Variants in CNTN4 observed in about 807,000 individuals in gnomAD.
CNTN4 encodes contactin-4.
In CNTN4, 77 loss-of-function variants were observed where a neutral mutation model predicts 122.5. The observed-to-expected ratio is 0.63, with a 90% CI of 0.52 to 0.76. The LOEUF (loss-of-function observed/expected upper bound fraction) is 0.76. CNTN4 is among the 30% of genes least tolerant of loss of function. CNTN4 has a pLI of 0.00. For synonymous variants in CNTN4, 512 were observed against 447.0 expected (o/e 1.15, Z -1.83); for missense variants, 1,256 against 1,259.1 (o/e 1.00, Z 0.04).
At chr3:3,002,908 C>G (rs1238789744) in intron 14 of CNTN4, among the ~76,000 whole-genome samples, 2 of 152,080 alleles carry the variant, frequency 1.3e-5, no homozygotes, top group African/African-American at 4.8e-5. Flanking sequence ...GAAAAATTAC[C>G]ATTTAAATCG....
At chr3:2,980,727 G>T (rs1693880820) in intron 13 of CNTN4, among the ~76,000 whole-genome samples, 1 of 152,206 alleles carries the variant, frequency 6.6e-6, no homozygotes, top group Non-Finnish European at 1.5e-5. Flanking sequence ...TCCCTCTCCT[G>T]CAAGAGAGAG....
At chr3:2,109,923 G>C (rs1440912452) in intron 2 of CNTN4, among the ~76,000 whole-genome samples, 1 of 152,180 alleles carries the variant, frequency 6.6e-6, no homozygotes. Flanking sequence ...TACTTAAGTT[G>C]CATATCTAAT....
chr3:2,329,771 A>G (rs927519344), intron 2 of CNTN4, among the ~76,000 whole-genome samples: 1 of 152,206 alleles, frequency 6.6e-6, no homozygotes, highest in African/African-American at 2.4e-5. Context: ...GCTTTGTACC[A>G]GGAAAAATTA....
At chr3:2,200,375 A>C (rs936829615) in intron 2 of CNTN4, among the ~76,000 whole-genome samples, 50 of 152,328 alleles carry the variant, frequency 3.3e-4, no homozygotes, top group African/African-American at 1.1e-3. Context: ...CAGATAAATC[A>C]CTGGTTCCCA....
chr3:2,664,722 GT>G (rs958037636), intron 4 of CNTN4, among the ~76,000 whole-genome samples: 3 of 152,100 alleles, frequency 2.0e-5, no homozygotes, highest in African/African-American at 7.2e-5. Flanking sequence ...AAATATCACC[GT>G]TATACATTAT....
At chr3:2,462,290 T>A (rs1376662815) in intron 3 of CNTN4, among the ~76,000 whole-genome samples, 1 of 152,174 alleles carries the variant, frequency 6.6e-6, no homozygotes, top group Non-Finnish European at 1.5e-5. Flanking sequence ...TGTTACTGTT[T>A]AGTATGTACC....
chr3:2,116,210 C>T (rs1354419397), intron 2 of CNTN4, among the ~76,000 whole-genome samples: 2 of 152,172 alleles, frequency 1.3e-5, no homozygotes, highest in Non-Finnish European at 2.9e-5. Flanking sequence ...ACCCAGTTTA[C>T]TGTTATCCTC....
intron 5 of CNTN4, among the ~76,000 whole-genome samples, chr3:2,740,014 G>A (rs1031654407): frequency 1.3e-5 from 2 of 152,020 alleles, no homozygotes; most frequent in Non-Finnish European, 2.9e-5. Flanking sequence ...TCTTGTACCT[G>A]CTGTTTTCCA....
intron 2 of CNTN4, among the ~76,000 whole-genome samples, chr3:2,270,244 C>T (rs78170760): frequency 0.016 from 2,392 of 150,416 alleles, 827 homozygotes; most frequent in Non-Finnish European, 0.024. Flanking sequence ...CCACCGCGCC[C>T]GGCCTATTTA....
At chr3:2,413,893 A>G (rs1384154014) in intron 3 of CNTN4, among the ~76,000 whole-genome samples, 1 of 152,180 alleles carries the variant, frequency 6.6e-6, no homozygotes, top group Non-Finnish European at 1.5e-5. Flanking sequence ...CCTACCATTT[A>G]TAGCTGTAAG....
At chr3:3,021,829 C>T (rs2125600052) in intron 14 of CNTN4, among the ~76,000 whole-genome samples, 1 of 152,254 alleles carries the variant, frequency 6.6e-6, no homozygotes, top group Admixed American at 6.5e-5. Context: ...CCTGTAATCC[C>T]AGCACTTTGG....
intron 13 of CNTN4, among the ~76,000 whole-genome samples, chr3:2,974,321 T>C (rs1442126722): frequency 6.6e-6 from 1 of 152,188 alleles, no homozygotes; most frequent in African/African-American, 2.4e-5. Context: ...TTAAAAAATA[T>C]TGTGACTATT....
At chr3:2,866,983 C>G in intron 8 of CNTN4, 34 bp downstream of exon 8, 1 of 1,571,114 alleles carries the variant, frequency 6.4e-7, no homozygotes, top group Non-Finnish European at 8.8e-7. Flanking sequence ...AATTTTGTTT[C>G]TGCAATCACA....
At chr3:2,201,162 T>C (rs2038079792) in intron 2 of CNTN4, among the ~76,000 whole-genome samples, 1 of 152,146 alleles carries the variant, frequency 6.6e-6, no homozygotes, top group African/African-American at 2.4e-5. Flanking sequence ...TAAGCTCTTG[T>C]TAGTAACCTC....
chr3:2,206,084 C>G (rs1165662156), intron 2 of CNTN4, among the ~76,000 whole-genome samples: 1 of 152,044 alleles, frequency 6.6e-6, no homozygotes, highest in Non-Finnish European at 1.5e-5. Flanking sequence ...GATACAAGCT[C>G]TTACAATGTT....
intron 6 of CNTN4, among the ~76,000 whole-genome samples, chr3:2,787,094 C>T (rs1011428870): frequency 3.9e-5 from 6 of 152,086 alleles, no homozygotes; most frequent in East Asian, 1.9e-4. Context: ...TTAAGAAAAT[C>T]GGCCAGGCGC....
intron 3 of CNTN4, among the ~76,000 whole-genome samples, chr3:2,439,928 T>C (rs186715343): frequency 6.6e-6 from 1 of 152,204 alleles, no homozygotes; most frequent in Non-Finnish European, 1.5e-5. Flanking sequence ...AAAAAAAATC[T>C]TTGGGAGTAA....
chr3:2,505,098 A>C (rs561060144), intron 3 of CNTN4, among the ~76,000 whole-genome samples: 1 of 152,164 alleles, frequency 6.6e-6, no homozygotes, highest in African/African-American at 2.4e-5. Context: ...GAATTGGTTC[A>C]TTGTATTGTG....
intron 2 of CNTN4, among the ~76,000 whole-genome samples, chr3:2,326,305 A>T (rs1268341131): frequency 6.6e-6 from 1 of 152,052 alleles, no homozygotes; most frequent in Non-Finnish European, 1.5e-5. Flanking sequence ...CCTAGGTCTC[A>T]CACCTGTCAG....
Sources: gnomAD v4.1 joint callset for allele counts (sites outside exome capture counted in the v4.1 genomes callset) on GRCh38, gnomAD v4.1.1 for gene constraint, MANE v1.5 for transcripts, NCBI Gene and HGNC (gene_info 2026-07-23, HGNC 2026-07-21) for gene names.